The following CDH12 variants were observed in gnomAD, a reference collection of about 807,000 sequenced individuals.
The protein encoded by CDH12 is cadherin 12, also known as cadherin-12.
In CDH12, 41 loss-of-function variants were observed where a neutral mutation model predicts 74.1. The ratio of observed to expected loss-of-function variants is 0.55; its 90% CI spans 0.43 to 0.72. The LOEUF (loss-of-function observed/expected upper bound fraction) is 0.72. Among genes scored for constraint, CDH12 ranks in the 30% least tolerant of loss-of-function variants. The pLI, the probability that CDH12 is intolerant of heterozygous loss-of-function variation, is 0.00. For synonymous variants in CDH12, 399 were observed against 355.0 expected (o/e 1.12, Z -1.39); for missense variants, 945 against 977.2 (o/e 0.97, Z 0.44).
chr5:22,644,672 C>CT (rs1304850253), intron 1 of CDH12, among the ~76,000 whole-genome samples: 1 of 151,590 alleles, frequency 6.6e-6, no homozygotes, highest in Non-Finnish European at 1.5e-5. Flanking sequence ...TACTAGATGA[C>CT]AGATTTTCAA....
chr5:22,153,183 CTTTT>C (rs70957094), intron 4 of CDH12, among the ~76,000 whole-genome samples: 1 of 138,492 alleles, frequency 7.2e-6, no homozygotes, highest in Admixed American at 7.3e-5. Flanking sequence ...TTTTTCTTTT[CTTTT>C]TTTTTTTTTT....
intron 6 of CDH12, among the ~76,000 whole-genome samples, chr5:21,920,667 T>TATAATAATA (rs149078574): frequency 0.014 from 2,040 of 145,530 alleles, 36 homozygotes; most frequent in Non-Finnish European, 0.021. Context: ...GAACTTAAAG[T>TATAATAATA]ATGATAATAA....
intron 4 of CDH12, among the ~76,000 whole-genome samples, chr5:22,086,642 C>A (rs1743087252): frequency 6.6e-6 from 1 of 152,214 alleles, no homozygotes; most frequent in African/African-American, 2.4e-5. Flanking sequence ...CAGGCGTGAG[C>A]CACCGTGCCC....
intron 4 of CDH12, among the ~76,000 whole-genome samples, chr5:22,193,685 C>A (rs1489984175): frequency 6.6e-6 from 1 of 150,928 alleles, no homozygotes; most frequent in Non-Finnish European, 1.5e-5. Context: ...ATGTATCAGG[C>A]AAATTCTTGG....
At chr5:21,793,736 T>C (rs1746629095) in intron 10 of CDH12, among the ~76,000 whole-genome samples, 1 of 151,594 alleles carries the variant, frequency 6.6e-6, no homozygotes, top group South Asian at 2.1e-4. Flanking sequence ...ATTTCCTGCT[T>C]GTGATTAGTC....
Position 21,780,872 on chromosome 5 carries a change from A to G in CDH12, c.1393+2486T>C, listed in dbSNP as rs1260246966. ...CTGCATAAATGAAATAAATGAAAGC[A>G]TGAAATGAATGAGGAAAACATATGT... On this transcript the variant is annotated intron_variant, in intron 11 of 14. Coordinates refer to ENST00000382254, the MANE Select transcript of CDH12 (RefSeq NM_004061.5). Among the ~76,000 whole-genome samples the G allele has an allele frequency of 3.9e-5, 6 of 152,334 alleles. No homozygotes were observed. The East Asian group carries it at 9.7e-4, about 25-fold the overall frequency.
At chr5:22,269,703 T>C (rs1202918855) in intron 3 of CDH12, among the ~76,000 whole-genome samples, 1 of 152,180 alleles carries the variant, frequency 6.6e-6, no homozygotes, top group Non-Finnish European at 1.5e-5. Flanking sequence ...TCACCTGAAA[T>C]GACTTTCTGC....
intron 5 of CDH12, among the ~76,000 whole-genome samples, chr5:22,002,143 A>G (rs1736642432): frequency 6.6e-6 from 1 of 152,194 alleles, no homozygotes; most frequent in South Asian, 2.1e-4. Context: ...TTTGCTCTAT[A>G]CTAGTCAGTA....
intron 3 of CDH12, among the ~76,000 whole-genome samples, chr5:22,322,476 T>C (rs1580522078): frequency 6.6e-6 from 1 of 152,300 alleles, no homozygotes; most frequent in South Asian, 2.1e-4. Flanking sequence ...CATTATTTTC[T>C]CTGCTCATTT....
In CDH12 at chr5:22,388,958, C is replaced by T. The variant is rs146466343; in HGVS notation, c.-333+16299G>A. ...CCACAGCTGGAGTTTAAACAAATGT[C>T]CATCCTTTAAAGTTTTTCAAAGCAT... On this transcript the variant is annotated intron_variant, in intron 3 of 14. Coordinates refer to ENST00000382254, the MANE Select transcript of CDH12 (RefSeq NM_004061.5). Among the ~76,000 whole-genome samples, 439 of 152,256 alleles carry T rather than the reference C, an allele frequency of 2.9e-3. 4 individuals carry two copies. Among genetic ancestry groups the T allele is most frequent in the African/African-American group, 0.01 (419 of 41,552 alleles).
In CDH12 at chr5:21,832,236, A is replaced by C. The variant is rs1248939840; in HGVS notation, c.814+9925T>G. Among the ~76,000 whole-genome samples the C allele has an allele frequency of 3.9e-5, 6 of 152,288 alleles. No individual in the cohort carries two copies. The East Asian group carries it at 1.2e-3, about 29-fold the overall frequency. On this transcript the variant is annotated intron_variant, in intron 8 of 14. Coordinates refer to ENST00000382254, the MANE Select transcript of CDH12 (RefSeq NM_004061.5). ...AATCTTTGTCCTTTAGGACATGGTG[A>C]ACAGAACTAAGTAAGTCAACAAAAA...
intron 1 of CDH12, among the ~76,000 whole-genome samples, chr5:22,550,293 A>T (rs995466339): frequency 6.6e-6 from 1 of 152,108 alleles, no homozygotes; most frequent in African/African-American, 2.4e-5. Context: ...TTGTATCTTG[A>T]ACACTTATCT....
intron 1 of CDH12, among the ~76,000 whole-genome samples, chr5:22,714,390 C>G (rs534986080): frequency 3.3e-5 from 5 of 152,234 alleles, no homozygotes; most frequent in Admixed American, 6.5e-5. Context: ...CTCCATGGAG[C>G]TAGTATAACT....
chr5:22,670,910 T>C (rs910870769), intron 1 of CDH12, among the ~76,000 whole-genome samples: 2 of 151,978 alleles, frequency 1.3e-5, no homozygotes, highest in Non-Finnish European at 2.9e-5. Context: ...TTAAAAATTC[T>C]TCTGGTCACC....
intron 6 of CDH12, among the ~76,000 whole-genome samples, chr5:21,929,992 A>G (rs1754761906): frequency 6.6e-6 from 1 of 152,136 alleles, no homozygotes; most frequent in Non-Finnish European, 1.5e-5. Flanking sequence ...TGGTTTTCTG[A>G]AGGGCAGCAC....
intron 1 of CDH12, among the ~76,000 whole-genome samples, chr5:22,604,932 CA>C (rs1226163167): frequency 2.0e-5 from 3 of 152,230 alleles, no homozygotes; most frequent in African/African-American, 7.2e-5. Flanking sequence ...TGGTCAGTGA[CA>C]CTCATGGGAG....
At chr5:22,530,484 TA>T (rs566230341) in intron 1 of CDH12, among the ~76,000 whole-genome samples, 1 of 149,784 alleles carries the variant, frequency 6.7e-6, no homozygotes, top group Non-Finnish European at 1.5e-5. Context: ...ATTAGTCCAC[TA>T]AAAATACCTA....
At chr5:22,318,857 A>T (rs1272800336) in intron 3 of CDH12, among the ~76,000 whole-genome samples, 1 of 152,168 alleles carries the variant, frequency 6.6e-6, no homozygotes, top group Non-Finnish European at 1.5e-5. Flanking sequence ...TAACCCGATC[A>T]TTAAAATATG....
At chr5:21,786,059 A>G (rs192703998) in intron 10 of CDH12, among the ~76,000 whole-genome samples, 1 of 152,212 alleles carries the variant, frequency 6.6e-6, no homozygotes, top group Non-Finnish European at 1.5e-5. Flanking sequence ...TAAAAATCCT[A>G]GAGCCCCTAT....
Sources: allele counts gnomAD v4.1 joint callset (sites outside exome capture counted in the v4.1 genomes callset), GRCh38; gene constraint gnomAD v4.1.1; transcripts MANE v1.5; gene names NCBI Gene and HGNC (gene_info 2026-07-23, HGNC 2026-07-21).